PCDHGA10: variants seen among roughly 807,000 people sequenced by gnomAD.
PCDHGA10 encodes protocadherin gamma-A10.
Under a neutral mutation model 59.5 loss-of-function variants are expected in PCDHGA10, and 42 were observed. The observed-to-expected ratio is 0.71, with a 90% CI of 0.55 to 0.91. The LOEUF (loss-of-function observed/expected upper bound fraction) is 0.91. Among genes scored for constraint, PCDHGA10 ranks in the 40% least tolerant of loss-of-function variants. PCDHGA10 has a pLI of 0.00. For missense variants in PCDHGA10, 1,111 were observed against 1,198.2 expected (o/e 0.93, Z 1.07); for synonymous variants, 511 against 517.2 (o/e 0.99, Z 0.16).
chr5:141,437,938 A>G (rs1042890704), intron 1 of PCDHGA10, among the ~76,000 whole-genome samples: 4 of 152,132 alleles, frequency 2.6e-5, no homozygotes, highest in African/African-American at 9.7e-5. Flanking sequence ...GGGTTTCACC[A>G]TATTGGCCAG....
chr5:141,443,307 C>A (rs1447607301), intron 1 of PCDHGA10, among the ~76,000 whole-genome samples: 1 of 136,584 alleles, frequency 7.3e-6, no homozygotes, highest in Non-Finnish European at 1.5e-5. Flanking sequence ...ATGGCAAAAA[C>A]CCATCTCTAC....
chr5:141,433,837 C>CAAAAAAAAAAAAAAA (rs56191208), intron 1 of PCDHGA10, among the ~76,000 whole-genome samples: 1 of 111,692 alleles, frequency 9.0e-6, no homozygotes. Flanking sequence ...AACTCTATCT[C>CAAAAAAAAAAAAAAA]AAAAAAAAAA....
intron 1 of PCDHGA10, among the ~76,000 whole-genome samples, chr5:141,465,205 G>A (rs1460694369): frequency 6.6e-6 from 1 of 151,892 alleles, no homozygotes; most frequent in Admixed American, 6.6e-5. Flanking sequence ...AAAAATATAA[G>A]CTTTATTTTT....
chr5:141,423,798 A>G (rs551396089), intron 1 of PCDHGA10: 76 of 1,222,390 alleles, frequency 6.2e-5, no homozygotes, highest in Middle Eastern at 4.5e-4. Context: ...TATTTAGAGC[A>G]ATACATGTGA....
rs1488305057 is a variant in PCDHGA10, at chr5:141,477,736, C to A, written c.2437-17071C>A. ...AATTTGAATTAACAGCTCATATCAG[C>A]GATGGGGGCACCCCGGTCCTAGCCA... On this transcript the variant is annotated intron_variant, in intron 1 of 3. Transcript: ENST00000398610. This position sits in a 1 kb window ranked among gnomAD's most constrained non-coding sequence, Gnocchi z 4.9. The A allele has an allele frequency of 6.2e-7, 1 of 1,613,790 alleles. No homozygotes were observed. Among genetic ancestry groups the A allele is most frequent in the Non-Finnish European group, 8.5e-7 (1 of 1,180,024 alleles).
intron 1 of PCDHGA10, among the ~76,000 whole-genome samples, chr5:141,425,841 C>T (rs936781561): frequency 2.0e-5 from 3 of 152,190 alleles, no homozygotes; most frequent in African/African-American, 7.2e-5. Context: ...ATTCTCTTTG[C>T]TGGGTTAATG....
chr5:141,445,889 C>A (rs920382027), intron 1 of PCDHGA10, among the ~76,000 whole-genome samples: 6 of 152,110 alleles, frequency 3.9e-5, no homozygotes, highest in African/African-American at 1.4e-4. Context: ...TACTTAGGAG[C>A]TATTAAAATA....
Position 141,415,585 on chromosome 5 carries a change from C to T in PCDHGA10, c.2410C>T (p.Pro804Ser). 1 of 1,613,900 alleles carries T rather than the reference C, an allele frequency of 6.2e-7. No individual in the cohort carries two copies. Among genetic ancestry groups the T allele is most frequent in the Non-Finnish European group, 8.5e-7 (1 of 1,180,006 alleles). The change falls in exon 1 of 4, where the codon CCT becomes TCT. Residue 804 changes from proline (P) to serine (S), a missense_variant. By Grantham distance (74) the Pro-to-Ser change is moderately conservative. Coordinates refer to ENST00000398610, the MANE Select transcript of PCDHGA10 (RefSeq NM_018913.3). ...PLSLLDDSKF[P>S]IEDTPLVPQA... ...GTCTTTGTTAGATGATTCGAAGTTT[C>T]CTATAGAGGATACCCCATTGGTTCC...
intron 1 of PCDHGA10, among the ~76,000 whole-genome samples, chr5:141,450,025 G>C (rs963999877): frequency 2.7e-5 from 1 of 36,752 alleles, no homozygotes; most frequent in Non-Finnish European, 5.4e-5. Context: ...TTTTTTTTTT[G>C]AGACAGGGTC....
intron 1 of PCDHGA10, chr5:141,478,141 C>T (rs770862398): frequency 6.2e-7 from 1 of 1,614,044 alleles, no homozygotes; most frequent in Non-Finnish European, 8.5e-7. Context: ...AAGCCCGAGC[C>T]GAGTTCCCCT....
chr5:141,455,725 C>T (rs1001661569), intron 1 of PCDHGA10, among the ~76,000 whole-genome samples: 4 of 152,136 alleles, frequency 2.6e-5, no homozygotes, highest in South Asian at 2.1e-4. Context: ...TAATGGCCTG[C>T]ATTTGCATAT....
chr5:141,487,312 TAA>T lies in PCDHGA10; in HGVS notation c.2437-7494_2437-7493del, dbSNP rs1464336630. ...TTGGCTCATTCGTGGCACTACTCTC[TAA>T]GTGTCTTCGTGGGGCAGCCTGTGGA... On this transcript the variant is annotated intron_variant, in intron 1 of 3. Transcript: ENST00000398610. The surrounding 1 kb of genome is among the most constrained non-coding windows in gnomAD (Gnocchi z 5.0). 1 of 1,614,158 alleles carries T rather than the reference TAA, an allele frequency of 6.2e-7. No homozygotes were observed. Among genetic ancestry groups the T allele is most frequent in the African/African-American group, 1.3e-5 (1 of 75,056 alleles).
Position 141,414,870 on chromosome 5 carries a change from G to T in PCDHGA10, c.1695G>T (p.Glu565Asp). The change falls in exon 1 of 4, where the codon GAG becomes GAT. Residue 565 changes from glutamate (E) to aspartate (D), a missense_variant. Physicochemically the swap from Glu to Asp is conservative, Grantham distance 45. Coordinates refer to ENST00000398610, the MANE Select transcript of PCDHGA10 (RefSeq NM_018913.3). ...FVLDQNDNAP[E>D]ILYPALPTDG... ...TGGACCAGAACGACAATGCGCCCGA[G>T]ATCCTGTACCCCGCCCTCCCCACAG... 1 of 1,614,224 alleles carries T rather than the reference G, an allele frequency of 6.2e-7. No individual in the cohort carries two copies. The highest frequency in any genetic ancestry group is 8.5e-7 in the Non-Finnish European group (1 of 1,180,048).
intron 3 of PCDHGA10, among the ~76,000 whole-genome samples, chr5:141,509,633 GA>G (rs2099877629): frequency 6.6e-6 from 1 of 152,204 alleles, no homozygotes; most frequent in Non-Finnish European, 1.5e-5. Flanking sequence ...GGGTGATGCT[GA>G]GCCAGGGCCA....
At chr5:141,421,894 C>A in intron 1 of PCDHGA10, 3 of 1,613,704 alleles carry the variant, frequency 1.9e-6, no homozygotes, top group Non-Finnish European at 2.5e-6. Context: ...CGATCCCATC[C>A]GAAAGGGCGC....
At chr5:141,444,188 T>TTTTTTTTTTG (rs2098424052) in intron 1 of PCDHGA10, among the ~76,000 whole-genome samples, 1 of 129,374 alleles carries the variant, frequency 7.7e-6, no homozygotes, top group African/African-American at 3.1e-5. Flanking sequence ...TTTTTTTTTT[T>TTTTTTTTTTG]GAGATGGAGT....
Position 141,490,400 on chromosome 5 carries a change from T to A in PCDHGA10, c.2437-4407T>A. On this transcript the variant is annotated intron_variant, in intron 1 of 3. Coordinates refer to ENST00000398610, the MANE Select transcript of PCDHGA10 (RefSeq NM_018913.3). This position sits in a 1 kb window ranked among gnomAD's most constrained non-coding sequence, Gnocchi z 5.4. ...TCAGGTAGAAATGGTGAAGTGAGCC[T>A]TGATATCTCTCCGGACCTGCCATTT... The A allele has an allele frequency of 6.2e-7, 1 of 1,614,202 alleles. No homozygotes were observed. Among genetic ancestry groups the A allele is most frequent in the Non-Finnish European group, 8.5e-7 (1 of 1,180,032 alleles).
rs1216200329 is a variant in PCDHGA10, at chr5:141,491,485, C to G, written c.2437-3322C>G. ...CTTCTATAAGCAGTCCAGCCCCAAC[C>G]TGCAGGTGAGCTCGGACGGCACGCT... On this transcript the variant is annotated intron_variant, in intron 1 of 3. Coordinates refer to ENST00000398610, the MANE Select transcript of PCDHGA10 (RefSeq NM_018913.3). This position sits in a 1 kb window ranked among gnomAD's most constrained non-coding sequence, Gnocchi z 6.9. 6.2e-7 allele frequency: 1 copy of G among 1,614,148 alleles called. No individual in the cohort carries two copies. The highest frequency in any genetic ancestry group is 1.3e-5 in the African/African-American group (1 of 75,064).
intron 1 of PCDHGA10, among the ~76,000 whole-genome samples, chr5:141,461,119 C>T (rs959427669): frequency 6.6e-6 from 1 of 152,016 alleles, no homozygotes; most frequent in Admixed American, 6.6e-5. Flanking sequence ...GTGTCTTTTT[C>T]ATATAATTAC....
Sources: gnomAD v4.1 joint callset for allele counts (sites outside exome capture counted in the v4.1 genomes callset) on GRCh38, gnomAD v4.1.1 for gene constraint, Gnocchi (gnomAD v3.1) non-coding constraint, MANE v1.5 for transcripts, NCBI Gene and HGNC (gene_info 2026-07-23, HGNC 2026-07-21) for gene names.